ADGRB3: variants seen among roughly 807,000 people sequenced by gnomAD.
ADGRB3 encodes the protein brain-specific angiogenesis inhibitor 3.
In ADGRB3, 37 loss-of-function variants were observed where a neutral mutation model predicts 193.4. The ratio of observed to expected loss-of-function variants is 0.19; its 90% CI spans 0.15 to 0.25. The LOEUF is 0.25. ADGRB3 is among the 10% of genes least tolerant of loss of function. The pLI, the probability that ADGRB3 is intolerant of heterozygous loss-of-function variation, is 1.00. For missense variants in ADGRB3, 1,637 were observed against 1,852.9 expected, an observed-to-expected ratio of 0.88 and a Z score of 2.14; for synonymous variants, 690 against 644.2, an observed-to-expected ratio of 1.07 and a Z score of -1.08.
intron 20 of ADGRB3, among the ~76,000 whole-genome samples, chr6:69,243,620 AG>A (rs1362212805): frequency 6.6e-6 from 1 of 152,038 alleles, no homozygotes; most frequent in African/African-American, 2.4e-5. Context: ...CTTTCACCAA[AG>A]GGAATCCATT....
chr6:69,157,857 A>G (rs1359346939), intron 17 of ADGRB3, among the ~76,000 whole-genome samples: 2 of 152,142 alleles, frequency 1.3e-5, no homozygotes, highest in African/African-American at 4.8e-5. Context: ...CAGTATGCAG[A>G]ATGACTAGAG....
At chr6:68,897,284 C>T (rs1052133108) in intron 3 of ADGRB3, among the ~76,000 whole-genome samples, 5 of 151,498 alleles carry the variant, frequency 3.3e-5, no homozygotes, top group African/African-American at 1.2e-4. Context: ...TACTTGAGCC[C>T]AGGAATTCAA....
chr6:68,782,961 G>A (rs988626627), intron 3 of ADGRB3, among the ~76,000 whole-genome samples: 5 of 151,770 alleles, frequency 3.3e-5, no homozygotes, highest in Non-Finnish European at 7.4e-5. Flanking sequence ...CGTTAACTCC[G>A]CTGTGGAAAA....
chr6:69,329,263 T>G (rs1056559016), intron 22 of ADGRB3, among the ~76,000 whole-genome samples: 2 of 152,162 alleles, frequency 1.3e-5, no homozygotes, highest in African/African-American at 2.4e-5. Context: ...CTAAGGTTTT[T>G]TTCTCCAGGT....
chr6:68,692,543 G>T (rs923630551), intron 3 of ADGRB3, among the ~76,000 whole-genome samples: 1 of 151,540 alleles, frequency 6.6e-6, no homozygotes, highest in South Asian at 2.1e-4. Context: ...CTTCACCTTG[G>T]TTTAAAACAG....
intron 15 of ADGRB3, among the ~76,000 whole-genome samples, chr6:69,061,972 C>T (rs1178102853): frequency 6.6e-6 from 1 of 150,792 alleles, no homozygotes; most frequent in Non-Finnish European, 1.5e-5. Flanking sequence ...AATACTACCT[C>T]AAAAAACAAA....
rs70987456 is a variant in ADGRB3 at position 69,177,350 on chromosome 6, A to AT, written c.2481-55929dup. ...GTGTCTGTTTTTCTTTATTTCAAAG[A>AT]TTTTTTTTTTTATTTTTATTTTTTT... On this transcript the variant is annotated intron_variant, in intron 17 of 31. Transcript: ENST00000370598. 6.5e-3 allele frequency among the ~76,000 whole-genome samples: 976 copies of AT among 149,196 alleles called. 13 individuals are homozygous for AT. Among genetic ancestry groups the AT allele is most frequent in the African/African-American group, 0.022 (885 of 40,696 alleles).
At position 68,765,416 on chromosome 6, in the gene ADGRB3, T is replaced by C. The variant is rs550028245; in HGVS notation, c.757+125984T>C. 3.0e-3 allele frequency among the ~76,000 whole-genome samples: 458 copies of C among 152,224 alleles called. 6 individuals carry two copies. Among genetic ancestry groups the C allele is most frequent in the African/African-American group, 0.011 (446 of 41,560 alleles). ...GCATTAAAGATCATCAAAGACATTT[T>C]ATCCGCCTATTAACACCGATCGCAT... On this transcript the variant is annotated intron_variant, in intron 3 of 31. Coordinates refer to ENST00000370598, the MANE Select transcript of ADGRB3 (RefSeq NM_001704.3).
intron 17 of ADGRB3, among the ~76,000 whole-genome samples, chr6:69,097,545 G>A (rs558094724): frequency 6.6e-6 from 1 of 152,128 alleles, no homozygotes; most frequent in African/African-American, 2.4e-5. Context: ...CTATATGGTA[G>A]TAAGAATAAG....
chr6:68,837,951 G>A (rs138778008), intron 3 of ADGRB3, among the ~76,000 whole-genome samples: 1,596 of 152,182 alleles, frequency 0.01, 26 homozygotes, highest in African/African-American at 0.036. Context: ...AACTTCCAAG[G>A]CATTCTGATA....
intron 20 of ADGRB3, among the ~76,000 whole-genome samples, chr6:69,257,601 G>T (rs1766810385): frequency 6.6e-6 from 1 of 152,136 alleles, no homozygotes; most frequent in Non-Finnish European, 1.5e-5. Context: ...TCCACTGCTA[G>T]AAAGTGATGA....
chr6:69,056,543 C>G (rs186562870), intron 15 of ADGRB3, among the ~76,000 whole-genome samples: 5 of 152,196 alleles, frequency 3.3e-5, no homozygotes, highest in Admixed American at 2.0e-4. Context: ...GGTGTCATCT[C>G]CAAGTTCAAT....
rs1767582068 is a variant in ADGRB3, at chr6:68,814,385, C to G, written c.758-116174C>G. Among the ~76,000 whole-genome samples, 3 of 152,136 alleles carry G rather than the reference C, an allele frequency of 2.0e-5. No individual in the cohort carries two copies. In the South Asian group the frequency reaches 6.2e-4, roughly 32 times the overall value. On this transcript the variant is annotated intron_variant, in intron 3 of 31. Transcript: ENST00000370598. ...GAGAAGTGTCTGTTCATATCCTTCA[C>G]CCACTTTTTGATGGTGTTGTTTGTT...
At chr6:69,195,695 A>G (rs935832907) in intron 17 of ADGRB3, among the ~76,000 whole-genome samples, 1 of 152,090 alleles carries the variant, frequency 6.6e-6, no homozygotes, top group African/African-American at 2.4e-5. Context: ...GGAGAAACCA[A>G]TACACAAAGT....
intron 29 of ADGRB3, among the ~76,000 whole-genome samples, chr6:69,368,822 C>T (rs1268667758): frequency 6.6e-6 from 1 of 151,982 alleles, no homozygotes; most frequent in Non-Finnish European, 1.5e-5. Flanking sequence ...CCAGATGGAG[C>T]TCATCAGAGA....
rs529290046 is a variant in ADGRB3, at chr6:68,837,913, C to T, written c.758-92646C>T. 2.6e-5 allele frequency among the ~76,000 whole-genome samples: 4 copies of T among 152,258 alleles called. No homozygotes were observed. In the East Asian group the frequency reaches 7.7e-4, roughly 29 times the overall value. ...AGGAACTACCAAACATTATCTCAAG[C>T]TGAGCTATAAGAAAGCCCATCAAAG... is the stretch of plus-strand genomic sequence containing the variant. On this transcript the variant is annotated intron_variant, in intron 3 of 31. Coordinates refer to ENST00000370598, the MANE Select transcript of ADGRB3 (RefSeq NM_001704.3).
At chr6:69,292,907 C>T (rs1200976077) in intron 20 of ADGRB3, among the ~76,000 whole-genome samples, 2 of 130,002 alleles carry the variant, frequency 1.5e-5, no homozygotes, top group African/African-American at 5.7e-5. Flanking sequence ...GTTTGATGTT[C>T]CCCTTCCTGT....
intron 3 of ADGRB3, among the ~76,000 whole-genome samples, chr6:68,837,797 G>A (rs1768073755): frequency 1.3e-5 from 2 of 152,134 alleles, no homozygotes; most frequent in African/African-American, 2.4e-5. Flanking sequence ...TTTATCGTTT[G>A]AGCCACCTGT....
intron 3 of ADGRB3, among the ~76,000 whole-genome samples, chr6:68,770,484 C>T (rs1766597388): frequency 6.6e-6 from 1 of 152,052 alleles, no homozygotes; most frequent in Admixed American, 6.6e-5. Context: ...ACCATATCCA[C>T]CAGCAATCTA....
Sources: allele counts gnomAD v4.1 joint callset (sites outside exome capture counted in the v4.1 genomes callset), GRCh38; gene constraint gnomAD v4.1.1; transcripts MANE v1.5; gene names NCBI Gene and HGNC (gene_info 2026-07-23, HGNC 2026-07-21).